AUTS2: variants seen among roughly 807,000 people sequenced by gnomAD.
AUTS2 encodes the protein autism susceptibility gene 2 protein.
In AUTS2, 17 loss-of-function variants were observed where a neutral mutation model predicts 112.4. The observed-to-expected ratio is 0.15, with a 90% CI of 0.10 to 0.23. The LOEUF is 0.23. Among genes scored for constraint, AUTS2 ranks in the 10% least tolerant of loss-of-function variants. The probability of loss-of-function intolerance (pLI) is 1.00; values close to 1 mark genes in which losing one functional copy is unlikely to be tolerated. For synonymous variants in AUTS2, 751 were observed against 702.7 expected, an observed-to-expected ratio of 1.07 and a Z score of -1.09; for missense variants, 1,510 against 1,701.6, an observed-to-expected ratio of 0.89 and a Z score of 1.98.
rs1185604346 is a variant in AUTS2, at chr7:70,791,964, CTCA to C, written c.*970_*972del. 3.9e-5 allele frequency: 6 copies of C among 152,566 alleles called. No homozygotes were observed. The highest frequency in any genetic ancestry group is 1.4e-4 in the African/African-American group (6 of 41,444). The allele number at this position is 152,566 out of a possible 1,614,324, so 9.5% of individuals were successfully genotyped here. A position where few individuals can be genotyped will look rare whatever the true frequency, so the allele number is the denominator to read the frequency against. On this transcript the variant is annotated 3_prime_UTR_variant, in exon 19 of 19. Coordinates refer to ENST00000342771, the MANE Select transcript of AUTS2 (RefSeq NM_015570.4). ...AGGTCGCCAGTGACTTCACACACAC[CTCA>C]TGTGAGAACCATGCCTTTTTTAGTG... is the stretch of plus-strand genomic sequence containing the variant.
intron 4 of AUTS2, among the ~76,000 whole-genome samples, chr7:70,181,396 A>C (rs1809292832): frequency 6.6e-6 from 1 of 152,202 alleles, no homozygotes; most frequent in African/African-American, 2.4e-5. Flanking sequence ...CAAACAGGCA[A>C]ATTCTGTTGT....
At chr7:70,490,126 G>A (rs184285353) in intron 5 of AUTS2, among the ~76,000 whole-genome samples, 70 of 151,986 alleles carry the variant, frequency 4.6e-4, no homozygotes, top group African/African-American at 1.4e-3. Flanking sequence ...GGTAGGAACC[G>A]AAGAACACAG....
At chr7:70,548,574 TG>T (rs1444751432) in intron 5 of AUTS2, among the ~76,000 whole-genome samples, 1 of 152,218 alleles carries the variant, frequency 6.6e-6, no homozygotes, top group African/African-American at 2.4e-5. Flanking sequence ...GGTACTTTTT[TG>T]TGTATGGTAT....
intron 2 of AUTS2, among the ~76,000 whole-genome samples, chr7:69,900,040 A>G (rs1047227101): frequency 9.9e-5 from 15 of 152,156 alleles, no homozygotes; most frequent in Admixed American, 4.6e-4. Context: ...ATTCAAGACT[A>G]TCTTTGTGAT....
At chr7:70,760,008 A>AT (rs879791608) in intron 6 of AUTS2, among the ~76,000 whole-genome samples, 254 of 144,272 alleles carry the variant, frequency 1.8e-3, no homozygotes, top group East Asian at 4.7e-3. Context: ...ATACAAAAAG[A>AT]TTTTTTTTTT....
intron 5 of AUTS2, among the ~76,000 whole-genome samples, chr7:70,646,368 G>A (rs1184824344): frequency 6.6e-6 from 1 of 152,170 alleles, no homozygotes; most frequent in African/African-American, 2.4e-5. Context: ...GTCATGTCAG[G>A]AAGAATTTTT....
intron 4 of AUTS2, among the ~76,000 whole-genome samples, chr7:70,135,814 C>T (rs1021930990): frequency 3.3e-5 from 5 of 152,084 alleles, no homozygotes; most frequent in Admixed American, 6.6e-5. Context: ...CTTCAGCAGT[C>T]GAAATAACAG....
chr7:69,943,801 T>C (rs752097371), intron 2 of AUTS2, among the ~76,000 whole-genome samples: 9 of 152,250 alleles, frequency 5.9e-5, no homozygotes, highest in Non-Finnish European at 1.2e-4. Context: ...AATTTGGGAA[T>C]GGAGGTAACA....
At chr7:69,944,902 G>T (rs781086395) in intron 2 of AUTS2, among the ~76,000 whole-genome samples, 7 of 152,112 alleles carry the variant, frequency 4.6e-5, no homozygotes, top group Non-Finnish European at 1.0e-4. Context: ...TTTAGGATCT[G>T]CACCCTTTCT....
At chr7:69,718,071 GT>G (rs1798714541) in intron 1 of AUTS2, among the ~76,000 whole-genome samples, 1 of 152,108 alleles carries the variant, frequency 6.6e-6, no homozygotes, top group African/African-American at 2.4e-5. Context: ...TTATATTGCC[GT>G]TTATGTTGTT....
chr7:70,552,063 G>A (rs1801036506), intron 5 of AUTS2, among the ~76,000 whole-genome samples: 2 of 152,170 alleles, frequency 1.3e-5, no homozygotes, highest in Non-Finnish European at 2.9e-5. Context: ...GGAGAAGAGA[G>A]GGGAGGGAGT....
At chr7:69,705,965 T>G (rs1048027340) in intron 1 of AUTS2, among the ~76,000 whole-genome samples, 18 of 152,118 alleles carry the variant, frequency 1.2e-4, no homozygotes, top group Non-Finnish European at 2.9e-5. Context: ...CTCATTTTAA[T>G]TAATTACCTC....
At chr7:70,324,938 C>A (rs908429923) in intron 4 of AUTS2, among the ~76,000 whole-genome samples, 1 of 152,032 alleles carries the variant, frequency 6.6e-6, no homozygotes, top group African/African-American at 2.4e-5. Context: ...TCAAAAAGAC[C>A]CAAAAGCCCA....
In AUTS2 at chr7:70,536,743, A is replaced by G. The variant is rs368829268; in HGVS notation, c.690+100962A>G. On this transcript the variant is annotated intron_variant, in intron 5 of 18. Coordinates refer to ENST00000342771, the MANE Select transcript of AUTS2 (RefSeq NM_015570.4). ...TGGAGAAACTTCGTCTCTACTAAAAATACAAAATTAGCCGGGCGAGTTGGC... is the reference window on the plus strand; with the variant it reads ...TGGAGAAACTTCGTCTCTACTAAAAGTACAAAATTAGCCGGGCGAGTTGGC... Among the ~76,000 whole-genome samples the G allele has an allele frequency of 1.4e-3, 213 of 152,072 alleles. 6 individuals are homozygous for G. The South Asian group carries it at 0.041, about 30-fold the overall frequency.
intron 4 of AUTS2, among the ~76,000 whole-genome samples, chr7:70,197,598 C>T (rs1810257349): frequency 1.2e-5 from 1 of 86,210 alleles, no homozygotes; most frequent in Non-Finnish European, 2.3e-5. Flanking sequence ...CCTGGAAAAT[C>T]GGGTCACTCC....
chr7:70,169,674 G>A (rs1366183751), intron 4 of AUTS2, among the ~76,000 whole-genome samples: 3 of 152,146 alleles, frequency 2.0e-5, no homozygotes, highest in Admixed American at 6.5e-5. Context: ...CCATATGGCT[G>A]TAGAATGCAG....
At chr7:70,481,631 C>CAGTA (rs1797790635) in intron 5 of AUTS2, among the ~76,000 whole-genome samples, 1 of 152,166 alleles carries the variant, frequency 6.6e-6, no homozygotes, top group African/African-American at 2.4e-5. Context: ...AAAGCACTGT[C>CAGTA]AGTAGGTCGG....
rs143297771 is a variant in AUTS2 at position 70,095,353 on chromosome 7, G to A, written c.523-22779G>A. 1.1e-4 allele frequency among the ~76,000 whole-genome samples: 16 copies of A among 152,278 alleles called. No individual in the cohort carries two copies. The South Asian group carries it at 3.1e-3, about 30-fold the overall frequency. On this transcript the variant is annotated intron_variant, in intron 2 of 18. Transcript: ENST00000342771. ...ATACGTGCATTCTCATACACGCATA[G>A]AAGTCTTACAACTACGTGTACTACT... is the stretch of plus-strand genomic sequence containing the variant.
At chr7:69,648,388 G>C (rs149430270) in intron 1 of AUTS2, among the ~76,000 whole-genome samples, 374 of 151,750 alleles carry the variant, frequency 2.5e-3, no homozygotes, top group African/African-American at 8.5e-3. Flanking sequence ...TAAAACATAG[G>C]TTCTCCTCTG....
Sources: allele counts gnomAD v4.1 joint callset (sites outside exome capture counted in the v4.1 genomes callset), GRCh38; gene constraint gnomAD v4.1.1; transcripts MANE v1.5; gene names NCBI Gene and HGNC (gene_info 2026-07-23, HGNC 2026-07-21).